The following NFIB variants were observed in gnomAD, a reference collection of about 807,000 sequenced individuals.
NFIB encodes the protein nuclear factor 1 B-type.
Under a neutral mutation model 61.5 loss-of-function variants are expected in NFIB, and 11 were observed. The observed-to-expected ratio is 0.18, with a 90% CI of 0.11 to 0.30. The LOEUF (loss-of-function observed/expected upper bound fraction) is 0.30, where lower values mean the gene tolerates loss of function less well. NFIB is among the 10% of genes least tolerant of loss of function. The pLI is 1.00. For missense variants in NFIB, 471 were observed against 608.9 expected (o/e 0.77, Z 2.38); for synonymous variants, 260 against 216.5 (o/e 1.20, Z -1.76).
intron 1 of NFIB, among the ~76,000 whole-genome samples, chr9:14,360,699 T>C (rs1361097791): frequency 2.0e-5 from 3 of 151,916 alleles, no homozygotes; most frequent in Non-Finnish European, 4.4e-5. Context: ...CGCCCGCCAA[T>C]ACGCCCGGCT....
chr9:14,335,877 A>G (rs2060880518), intron 1 of NFIB, among the ~76,000 whole-genome samples: 2 of 152,226 alleles, frequency 1.3e-5, no homozygotes, highest in Admixed American at 6.5e-5. Context: ...GTCAAAATTC[A>G]TTACTTTTAT....
rs570053175 is a variant in NFIB, at chr9:14,259,997, T to C, written c.562+46992A>G. The stretch of plus-strand genomic sequence containing the variant: ...TTAATGCTGAGAAGTAGGCCTCCAA[T>C]ACAACCTGAAGATGGATTCGTGGTG... On this transcript the variant is annotated intron_variant, in intron 2 of 10. Coordinates refer to ENST00000380953, the MANE Select transcript of NFIB (RefSeq NM_001190737.2). Among the ~76,000 whole-genome samples, 366 of 152,300 alleles carry C rather than the reference T, an allele frequency of 2.4e-3. 2 individuals are homozygous for C. The highest frequency in any genetic ancestry group is 4.1e-3 in the Non-Finnish European group (277 of 68,014).
chr9:14,207,463 G>A (rs1283788310), intron 2 of NFIB, among the ~76,000 whole-genome samples: 1 of 152,216 alleles, frequency 6.6e-6, no homozygotes, highest in Non-Finnish European at 1.5e-5. Flanking sequence ...ACTGGGAGGA[G>A]GATGAGACCA....
At chr9:14,152,548 G>C (rs2042978297) in intron 4 of NFIB, among the ~76,000 whole-genome samples, 1 of 151,974 alleles carries the variant, frequency 6.6e-6, no homozygotes, top group South Asian at 2.1e-4. Context: ...TTATTAACAG[G>C]AAACTTAGAG....
intron 3 of NFIB, among the ~76,000 whole-genome samples, chr9:14,175,163 A>ATTTTTTTTTTTTTTTTTTTTTT (rs375736787): frequency 3.9e-5 from 4 of 102,106 alleles, no homozygotes; most frequent in Non-Finnish European, 7.5e-5. Flanking sequence ...GACTTAAAGA[A>ATTTTTTTTTTTTTTTTTTTTTT]TTTCTTTTTT....
intron 1 of NFIB, among the ~76,000 whole-genome samples, chr9:14,332,114 C>G (rs1365276109): frequency 6.6e-6 from 1 of 152,034 alleles, no homozygotes; most frequent in Non-Finnish European, 1.5e-5. Flanking sequence ...TGGTGGATCA[C>G]TTGAAGTCAG....
chr9:14,513,627 C>CAAA, the NFIB span, among the ~76,000 whole-genome samples: 1 of 113,744 alleles, frequency 8.8e-6, no homozygotes, highest in Non-Finnish European at 1.7e-5. Flanking sequence ...GACTCCATCT[C>CAAA]AAAAAAAAAA....
chr9:14,204,852 C>T, intron 2 of NFIB: 1 of 441,250 alleles, frequency 2.3e-6, no homozygotes, highest in Non-Finnish European at 4.2e-6. Context: ...ACCACTGCTG[C>T]CTTCATACAG....
At position 14,120,415 on chromosome 9, in the gene NFIB, A is replaced by G. The variant is rs762944644; in HGVS notation, c.1245+25T>C. ...TCTGTCCCATCTCCCTTAGGTGCTA[A>G]TCTTATTTTCTCTCTTATTTTTACC... On this transcript the variant is annotated intron_variant, in intron 8 of 10. Coordinates refer to ENST00000380953, the MANE Select transcript of NFIB (RefSeq NM_001190737.2). The surrounding 1 kb of genome is among the most constrained non-coding windows in gnomAD (Gnocchi z 4.4). 1 of 1,611,198 alleles carries G rather than the reference A, an allele frequency of 6.2e-7. No individual in the cohort carries two copies. Among genetic ancestry groups the G allele is most frequent in the South Asian group, 1.1e-5 (1 of 90,976 alleles).
intron 2 of NFIB, among the ~76,000 whole-genome samples, chr9:14,300,603 T>C (rs141724466): frequency 7.6e-4 from 116 of 152,368 alleles, no homozygotes; most frequent in Non-Finnish European, 1.4e-3. Flanking sequence ...TTGCACTCTT[T>C]GCAAACTTGG....
chr9:14,489,941 A>G, the NFIB span, among the ~76,000 whole-genome samples: 4 of 152,080 alleles, frequency 2.6e-5, no homozygotes, highest in Non-Finnish European at 4.4e-5. Context: ...GTGGTTTTCA[A>G]TTTAGGTGGT....
At chr9:14,306,914 C>T in intron 2 of NFIB, 75 bp downstream of exon 2, 3 of 1,559,720 alleles carry the variant, frequency 1.9e-6, no homozygotes, top group Non-Finnish European at 1.7e-6. Flanking sequence ...CCATCTAACT[C>T]AAGCCAGATA....
At chr9:14,201,661 T>C (rs1014958206) in intron 2 of NFIB, among the ~76,000 whole-genome samples, 2 of 152,286 alleles carry the variant, frequency 1.3e-5, no homozygotes, top group East Asian at 1.9e-4. Context: ...CTCTCCAAGA[T>C]TGTGACCTCC....
chr9:14,185,403 T>C (rs2047235116), intron 2 of NFIB, among the ~76,000 whole-genome samples: 1 of 152,188 alleles, frequency 6.6e-6, no homozygotes, highest in Non-Finnish European at 1.5e-5. Flanking sequence ...TCATGGCACC[T>C]TGATCTGGTC....
At chr9:14,351,998 C>G (rs1262931593) in intron 1 of NFIB, among the ~76,000 whole-genome samples, 1 of 152,170 alleles carries the variant, frequency 6.6e-6, no homozygotes, top group African/African-American at 2.4e-5. Context: ...GCCCACAGTT[C>G]TGACGGAAGT....
chr9:14,404,270 A>G, the NFIB span, among the ~76,000 whole-genome samples: 2 of 152,214 alleles, frequency 1.3e-5, no homozygotes, highest in Admixed American at 1.3e-4. Context: ...AGGTGAGCAT[A>G]TCTACCACCC....
At chr9:14,181,851 C>T (rs115603065) in intron 2 of NFIB, among the ~76,000 whole-genome samples, 31 of 152,286 alleles carry the variant, frequency 2.0e-4, no homozygotes, top group African/African-American at 6.5e-4. Flanking sequence ...TGTGATGACA[C>T]CTGAGATAGT....
intron 10 of NFIB, chr9:14,102,647 A>G: frequency 1.6e-6 from 1 of 611,308 alleles, no homozygotes; most frequent in Non-Finnish European, 2.5e-6. Flanking sequence ...GAAAAAAAAA[A>G]AGCAAAAAAA....
intron 1 of NFIB, among the ~76,000 whole-genome samples, chr9:14,334,139 C>T (rs7048960): frequency 0.66 from 100,353 of 152,068 alleles, 33,929 homozygotes; most frequent in East Asian, 0.88. Context: ...TGGGTTGTTT[C>T]CAGTTTGAGG....
Sources: allele counts gnomAD v4.1 joint callset (sites outside exome capture counted in the v4.1 genomes callset), GRCh38; gene constraint gnomAD v4.1.1; non-coding constraint Gnocchi (gnomAD v3.1); transcripts MANE v1.5; gene names NCBI Gene and HGNC (gene_info 2026-07-23, HGNC 2026-07-21).